The following ATP6V1C1 variants were observed in gnomAD, a reference collection of about 807,000 sequenced individuals.
ATP6V1C1 encodes V-type proton ATPase subunit C 1.
In ATP6V1C1, 45 loss-of-function variants were observed where a neutral mutation model predicts 53.9. The observed-to-expected ratio is 0.83, with a 90% CI of 0.66 to 1.07. ATP6V1C1 has a LOEUF of 1.07. Among genes scored for constraint, ATP6V1C1 ranks in the 50% least tolerant of loss-of-function variants. The pLI is 0.00. For missense variants in ATP6V1C1, 315 were observed against 440.3 expected, an observed-to-expected ratio of 0.72 and a Z score of 2.55; for synonymous variants, 153 against 155.2, an observed-to-expected ratio of 0.99 and a Z score of 0.11.
In ATP6V1C1 at chr8:103,068,651, G is replaced by T; in HGVS notation, c.1054-1G>T. 1 of 1,588,036 alleles carries T rather than the reference G, an allele frequency of 6.3e-7. No individual in the cohort carries two copies. Among genetic ancestry groups the T allele is most frequent in the Non-Finnish European group, 8.6e-7 (1 of 1,167,452 alleles). On this transcript the variant is annotated splice_acceptor_variant, in intron 12 of 12. Transcript: ENST00000518738. LOFTEE classifies it high-confidence loss of function. ...TGAATAATTGTCTGTTTTTTCCATAGGCTCCTATGGATATTCCAGGTTTAA... is the reference window on the plus strand; with the variant it reads ...TGAATAATTGTCTGTTTTTTCCATATGCTCCTATGGATATTCCAGGTTTAA...
chr8:103,064,486 C>G (rs565147662), intron 10 of ATP6V1C1: 2 of 346,106 alleles, frequency 5.8e-6, no homozygotes, highest in East Asian at 9.3e-5. Flanking sequence ...TGAATTGGTT[C>G]AATGCATTTT....
chr8:103,054,132 G>T, intron 7 of ATP6V1C1, 150 bp downstream of exon 7: 1 of 548,648 alleles, frequency 1.8e-6, no homozygotes, highest in Non-Finnish European at 3.1e-6. Flanking sequence ...TGCTCATGTG[G>T]CACATAAAGT....
At chr8:103,067,327 G>T (rs546108794) in intron 12 of ATP6V1C1, among the ~76,000 whole-genome samples, 37 of 150,900 alleles carry the variant, frequency 2.5e-4, no homozygotes, top group Non-Finnish European at 4.4e-4. Context: ...TGAACCTCGG[G>T]GGGTGGTTGC....
intron 1 of ATP6V1C1, among the ~76,000 whole-genome samples, chr8:103,039,637 C>G (rs1326704063): frequency 6.6e-6 from 1 of 152,046 alleles, no homozygotes; most frequent in Non-Finnish European, 1.5e-5. Flanking sequence ...TACCATAATA[C>G]TTTGATTTTT....
intron 11 of ATP6V1C1, among the ~76,000 whole-genome samples, chr8:103,065,440 G>T (rs1363038675): frequency 6.6e-6 from 1 of 152,120 alleles, no homozygotes; most frequent in Non-Finnish European, 1.5e-5. Context: ...TGTAGTGCTG[G>T]CTACTTGGGA....
At chr8:103,057,830 G>GA (rs983234723) in intron 8 of ATP6V1C1, among the ~76,000 whole-genome samples, 3 of 148,706 alleles carry the variant, frequency 2.0e-5, no homozygotes, top group Non-Finnish European at 4.5e-5. Flanking sequence ...CATCATGAAT[G>GA]TTTTTTTTTT....
rs1817599891 is a variant in ATP6V1C1, at chr8:103,072,304, A to G, written c.*3557A>G. On this transcript the variant is annotated 3_prime_UTR_variant, in exon 13 of 13. Coordinates refer to ENST00000518738, the MANE Select transcript of ATP6V1C1 (RefSeq NM_001695.5). ...AAATGTTGGAAATAAAATATAAGAC[A>G]TTGATCTAGATATGAGGTTTTTCTC... 1 of 152,238 alleles carries G rather than the reference A, an allele frequency of 6.6e-6. No homozygotes were observed. Among genetic ancestry groups the G allele is most frequent in the Admixed American group, 6.5e-5 (1 of 15,290 alleles). 9.4% of individuals were successfully genotyped at this position (152,238 alleles called of 1,614,324 possible).
chr8:103,065,973 C>T (rs768491866), intron 11 of ATP6V1C1, among the ~76,000 whole-genome samples: 1 of 151,700 alleles, frequency 6.6e-6, no homozygotes, highest in Non-Finnish European at 1.5e-5. Flanking sequence ...ACCCAGGAGG[C>T]GGAGATTGCA....
chr8:103,053,050 T>C (rs1487157162), intron 6 of ATP6V1C1, among the ~76,000 whole-genome samples: 1 of 152,032 alleles, frequency 6.6e-6, no homozygotes, highest in Non-Finnish European at 1.5e-5. Context: ...AAATAATACT[T>C]GTGAACTGGG....
Position 103,042,355 on chromosome 8 carries a change from G to A in ATP6V1C1, c.148G>A (p.Val50Ile), listed in dbSNP as rs1817015968. The change falls in exon 3 of 13, where the codon GTC becomes ATC. Residue 50 changes from valine to isoleucine, a missense_variant. By Grantham distance (29) the Val-to-Ile change is conservative. Coordinates refer to ENST00000518738, the MANE Select transcript of ATP6V1C1 (RefSeq NM_001695.5). ...IPDLKVGTLD[V>I]LVGLSDELAK... ...TTCCTTTTAGGTTGGCACGTTGGAT[G>A]TCTTGGTTGGCTTGTCAGATGAACT... 1.2e-6 allele frequency: 2 copies of A among 1,613,594 alleles called. No individual in the cohort carries two copies. Among genetic ancestry groups the A allele is most frequent in the African/African-American group, 1.3e-5 (1 of 74,792 alleles).
chr8:103,050,433 G>A (rs1405392793), intron 4 of ATP6V1C1, among the ~76,000 whole-genome samples: 2 of 152,174 alleles, frequency 1.3e-5, no homozygotes, highest in Admixed American at 6.5e-5. Flanking sequence ...AATTACTTCC[G>A]TCAGTTGGCG....
rs544780903 is a variant in ATP6V1C1 at position 103,069,393 on chromosome 8, A to G, written c.*646A>G. 6.6e-5 allele frequency: 10 copies of G among 152,206 alleles called. No homozygotes were observed. The highest frequency in any genetic ancestry group is 1.2e-4 in the Non-Finnish European group (8 of 68,036). 9.4% of individuals were successfully genotyped at this position (152,206 alleles called of 1,614,324 possible). A position where few individuals can be genotyped will look rare whatever the true frequency, so the allele number is the denominator to read the frequency against. ...TTTTGTTATATGCTGAGGTGTAACC[A>G]TTTGTGTTGTCTGACTTTCGTATGA... On this transcript the variant is annotated 3_prime_UTR_variant, in exon 13 of 13. Transcript: ENST00000518738.
rs773887408 is a variant in ATP6V1C1 at position 103,055,910 on chromosome 8, C to T, written c.615C>T (p.Ala205=). ...GGATTAAGCAGTATGAAACACTAGCCGAAATGGTAGTTCCAAGGTCTAGCA... is the reference window on the plus strand; with the variant it reads ...GGATTAAGCAGTATGAAACACTAGCTGAAATGGTAGTTCCAAGGTCTAGCA... ...NDWIKQYETL[A]EMVVPRSSNV... The change falls in exon 8 of 13, where the codon GCC becomes GCT. Residue 205 remains alanine (A), a synonymous_variant. Coordinates refer to ENST00000518738, the MANE Select transcript of ATP6V1C1 (RefSeq NM_001695.5). 3 of 1,611,838 alleles carry T rather than the reference C, an allele frequency of 1.9e-6. No homozygotes were observed. The highest frequency in any genetic ancestry group is 1.3e-5 in the African/African-American group (1 of 74,808).
Position 103,069,123 on chromosome 8 carries a change from G to C in ATP6V1C1, c.*376G>C, listed in dbSNP as rs1817544366. 1 of 153,564 alleles carries C rather than the reference G, an allele frequency of 6.5e-6. No individual in the cohort carries two copies. Among genetic ancestry groups the C allele is most frequent in the African/African-American group, 2.4e-5 (1 of 41,484 alleles). The allele number at this position is 153,564 out of a possible 1,614,324, so 9.5% of individuals were successfully genotyped here. ...ATGGTGTAAACATTTATACTGTTTTGTTCACTGTATTTAGTAGACATAACT... is the reference window on the plus strand; with the variant it reads ...ATGGTGTAAACATTTATACTGTTTTCTTCACTGTATTTAGTAGACATAACT... On this transcript the variant is annotated 3_prime_UTR_variant, in exon 13 of 13. Coordinates refer to ENST00000518738, the MANE Select transcript of ATP6V1C1 (RefSeq NM_001695.5).
chr8:103,025,376 A>T (rs1368071866), intron 1 of ATP6V1C1, among the ~76,000 whole-genome samples: 1 of 152,204 alleles, frequency 6.6e-6, no homozygotes, highest in Non-Finnish European at 1.5e-5. Flanking sequence ...CTCCTCCTGG[A>T]GGAGAGAGGC....
chr8:103,023,306 G>A (rs995622946), intron 1 of ATP6V1C1, among the ~76,000 whole-genome samples: 5 of 150,548 alleles, frequency 3.3e-5, no homozygotes, highest in Non-Finnish European at 5.9e-5. Context: ...TTGGTGGGGG[G>A]GAGATAATGT....
chr8:103,051,316 ATG>A (rs977245809), intron 5 of ATP6V1C1, among the ~76,000 whole-genome samples, 172 bp downstream of exon 5: 1 of 152,190 alleles, frequency 6.6e-6, no homozygotes, highest in Non-Finnish European at 1.5e-5. Context: ...TAACACTTTA[ATG>A]TGTAGATTAT....
intron 10 of ATP6V1C1, among the ~76,000 whole-genome samples, chr8:103,063,917 C>T (rs1415150997): frequency 6.6e-6 from 1 of 152,172 alleles, no homozygotes; most frequent in African/African-American, 2.4e-5. Context: ...GCCATATCAT[C>T]TCAACTAGGA....
chr8:103,063,212 A>G lies in ATP6V1C1; in HGVS notation c.812A>G (p.Asp271Gly), dbSNP rs1350291776. The G allele has an allele frequency of 1.3e-6, 2 of 1,599,982 alleles. No individual in the cohort carries two copies. Among genetic ancestry groups the G allele is most frequent in the South Asian group, 1.1e-5 (1 of 89,820 alleles). Residue 271 changes from aspartate (D) to glycine (G), a missense_variant, in exon 10 of 13, where the codon GAT (aspartate) becomes GGT (glycine). Transcript: ENST00000518738. ...GAAGAAATGAACAGGCTTTCTACTGATAAGAAAAAACAATTTGTATGTGTT... is the reference window on the plus strand; with the variant it reads ...GAAGAAATGAACAGGCTTTCTACTGGTAAGAAAAAACAATTTGTATGTGTT... ...DKEEMNRLST[D>G]KKKQFGPLVR...
Sources: allele counts gnomAD v4.1 joint callset (sites outside exome capture counted in the v4.1 genomes callset), GRCh38; gene constraint gnomAD v4.1.1; transcripts MANE v1.5; gene names NCBI Gene and HGNC (gene_info 2026-07-23, HGNC 2026-07-21).